Variants in ESR1 observed in about 807,000 individuals in gnomAD.
ESR1 encodes the protein estrogen receptor 1, also known as estrogen receptor.
ESR1 carries 12 observed loss-of-function variants against 52.7 expected under a neutral mutation model. The ratio of observed to expected loss-of-function variants is 0.23; its 90% CI spans 0.15 to 0.37. The LOEUF is 0.37. Ranked by LOEUF, ESR1 falls within the 10% of genes least tolerant of loss-of-function variation. The pLI is 1.00. For missense variants in ESR1, 584 were observed against 779.7 expected (o/e 0.75, Z 2.99); for synonymous variants, 305 against 316.8 (o/e 0.96, Z 0.39).
At chr6:151,807,681 G>C, upstream of ESR1, 3 of 604,826 alleles carry the variant, frequency 5.0e-6, no homozygotes, top group Non-Finnish European at 8.8e-6. Context: ...GGGAGCCCAG[G>C]AGCTGGCGGA....
At chr6:151,722,098 G>A (rs1781500638) in intron 2 of ESR1, among the ~76,000 whole-genome samples, 1 of 152,220 alleles carries the variant, frequency 6.6e-6, no homozygotes, top group South Asian at 2.1e-4. Flanking sequence ...TTGGAAAATT[G>A]TTGGGAATAA....
chr6:152,101,287 C>A lies in ESR1; in HGVS notation c.*2321C>A, dbSNP rs17847064. On this transcript the variant is annotated 3_prime_UTR_variant, in exon 8 of 8. Coordinates refer to ENST00000206249, the MANE Select transcript of ESR1 (RefSeq NM_000125.4). ...GCTAATTTTGCTTTTACCAAAATATCAGTAGTAATATTTTTGGACAGTAGC... is the reference window on the plus strand; with the variant it reads ...GCTAATTTTGCTTTTACCAAAATATAAGTAGTAATATTTTTGGACAGTAGC... 5.9e-4 allele frequency: 137 copies of A among 232,258 alleles called. No homozygotes were observed. In the East Asian group the frequency reaches 8.2e-3, roughly 14 times the overall value. 14.4% of individuals were successfully genotyped at this position (232,258 alleles called of 1,614,324 possible).
intron 2 of ESR1, among the ~76,000 whole-genome samples, chr6:151,718,238 T>A (rs976706291): frequency 7.2e-5 from 11 of 152,204 alleles, no homozygotes; most frequent in African/African-American, 2.4e-4. Flanking sequence ...GAATTAGTAA[T>A]AAGAAATTGT....
intron 1 of ESR1, among the ~76,000 whole-genome samples, chr6:151,671,645 C>A (rs1201387724): frequency 1.3e-5 from 2 of 152,104 alleles, no homozygotes; most frequent in Admixed American, 1.3e-4. Context: ...AATAATGATG[C>A]ACTGTATACC....
At chr6:151,921,980 T>TTG (rs2031785084) in intron 3 of ESR1, among the ~76,000 whole-genome samples, 1 of 152,194 alleles carries the variant, frequency 6.6e-6, no homozygotes, top group South Asian at 2.1e-4. Flanking sequence ...TTTTTGCAAT[T>TTG]GCTTTTGGCA....
chr6:152,019,251 T>C (rs753276486), intron 5 of ESR1, among the ~76,000 whole-genome samples: 11 of 152,112 alleles, frequency 7.2e-5, no homozygotes, highest in African/African-American at 2.7e-4. Context: ...ACCTGAACTA[T>C]ATCTCAAAAA....
intron 1 of ESR1, among the ~76,000 whole-genome samples, chr6:151,700,844 T>C (rs1215739023): frequency 2.6e-5 from 4 of 152,112 alleles, no homozygotes; most frequent in Non-Finnish European, 5.9e-5. Context: ...AAAGCTGTTA[T>C]ACAACATTTT....
chr6:151,965,517 C>T (rs2038176315), intron 4 of ESR1, among the ~76,000 whole-genome samples: 1 of 152,116 alleles, frequency 6.6e-6, no homozygotes. Context: ...ATTTTATTGC[C>T]TCCCAATTGT....
At chr6:151,970,903 T>C (rs1458032272) in intron 4 of ESR1, among the ~76,000 whole-genome samples, 2 of 152,316 alleles carry the variant, frequency 1.3e-5, no homozygotes, top group South Asian at 4.1e-4. Flanking sequence ...TCTATGACAT[T>C]CTCCACCTCT....
intron 5 of ESR1, among the ~76,000 whole-genome samples, chr6:152,039,237 A>G (rs2045583421): frequency 6.6e-6 from 1 of 152,130 alleles, no homozygotes; most frequent in African/African-American, 2.4e-5. Context: ...GGTCTGGGCC[A>G]TTTGTAGTCC....
intron 2 of ESR1, among the ~76,000 whole-genome samples, chr6:151,751,344 G>C (rs1341292711): frequency 6.6e-6 from 1 of 152,144 alleles, no homozygotes; most frequent in African/African-American, 2.4e-5. Context: ...GAGAGTAAAA[G>C]TTTGATTATT....
chr6:151,999,611 A>C (rs958856626), intron 4 of ESR1, among the ~76,000 whole-genome samples: 2 of 152,130 alleles, frequency 1.3e-5, no homozygotes, highest in Admixed American at 6.6e-5. Flanking sequence ...GATGCATGAA[A>C]TTCTTACTTA....
At chr6:151,938,312 T>C (rs2034619098) in intron 3 of ESR1, among the ~76,000 whole-genome samples, 1 of 152,108 alleles carries the variant, frequency 6.6e-6, no homozygotes, top group Non-Finnish European at 1.5e-5. Flanking sequence ...CTATTCCTAA[T>C]GAATACTCAG....
chr6:152,037,139 G>A (rs757680169), intron 5 of ESR1, among the ~76,000 whole-genome samples: 52 of 152,134 alleles, frequency 3.4e-4, no homozygotes, highest in Non-Finnish European at 6.0e-4. Context: ...AATAGCATCG[G>A]CTTAGTTTAG....
chr6:152,077,749 T>G (rs2048860024), intron 6 of ESR1, among the ~76,000 whole-genome samples: 1 of 152,170 alleles, frequency 6.6e-6, no homozygotes, highest in Non-Finnish European at 1.5e-5. Context: ...GATTTTAGAC[T>G]TGTGTGGGCC....
rs1252381115 is a variant in ESR1, at chr6:152,053,416, C to G, written c.1236-7575C>G. On this transcript the variant is annotated intron_variant, in intron 5 of 7. Transcript: ENST00000206249. The surrounding 1 kb of genome is among the most constrained non-coding windows in gnomAD (Gnocchi z 4.1). ...GTTTCTTGCCCCTTCCTCCTTCTGTCTCTCCCTCTCTCTTTCAATCTTTCT... is the reference window on the plus strand; with the variant it reads ...GTTTCTTGCCCCTTCCTCCTTCTGTGTCTCCCTCTCTCTTTCAATCTTTCT... 6.6e-6 allele frequency among the ~76,000 whole-genome samples: 1 copy of G among 152,132 alleles called. No homozygotes were observed. Among genetic ancestry groups the G allele is most frequent in the East Asian group, 1.9e-4 (1 of 5,162 alleles).
intron 4 of ESR1, among the ~76,000 whole-genome samples, chr6:151,982,849 A>C (rs999785800): frequency 3.3e-5 from 5 of 152,080 alleles, no homozygotes; most frequent in African/African-American, 1.2e-4. Context: ...TTTGAATTTC[A>C]ATTTGTATTT....
At chr6:151,829,349 C>A (rs981498803) in intron 1 of ESR1, among the ~76,000 whole-genome samples, 5 of 152,344 alleles carry the variant, frequency 3.3e-5, no homozygotes, top group Middle Eastern at 3.4e-3. Context: ...CTCCCCTTTT[C>A]TCTGTCTCTC....
chr6:152,113,759 T>A (rs1419904680), intron 6 of ESR1, among the ~76,000 whole-genome samples: 1 of 152,152 alleles, frequency 6.6e-6, no homozygotes, highest in Non-Finnish European at 1.5e-5. Flanking sequence ...GCGTTAACTG[T>A]CCCTCAGTCC....
Sources: allele counts gnomAD v4.1 joint callset (sites outside exome capture counted in the v4.1 genomes callset), GRCh38; gene constraint gnomAD v4.1.1; non-coding constraint Gnocchi (gnomAD v3.1); transcripts MANE v1.5; gene names NCBI Gene and HGNC (gene_info 2026-07-23, HGNC 2026-07-21).